Variants in TMLHE observed in about 807,000 individuals in gnomAD.
TMLHE encodes the protein trimethyllysine dioxygenase, mitochondrial.
A neutral mutation model predicts 25.7 loss-of-function variants in TMLHE; 18 were observed. The observed-to-expected ratio is 0.70, with a 90% CI of 0.48 to 1.04. TMLHE has a LOEUF of 1.04. TMLHE is among the 50% of genes least tolerant of loss of function. TMLHE has a pLI of 0.00. For missense variants in TMLHE, 236 were observed against 259.0 expected, an observed-to-expected ratio of 0.91 and a Z score of 0.61; for synonymous variants, 105 against 97.0, an observed-to-expected ratio of 1.08 and a Z score of -0.49.
At chrX:155,577,006 A>C (rs1000047456) in intron 1 of TMLHE, among the ~76,000 whole-genome samples, 2 of 112,129 alleles carry the variant, frequency 1.8e-5, no homozygotes, top group Admixed American at 1.9e-4. Context: ...AAAATTGACA[A>C]ATGAGACCTA....
chrX:155,552,360 G>C (rs1036556004), intron 1 of TMLHE, among the ~76,000 whole-genome samples: 2 of 110,108 alleles, frequency 1.8e-5, no homozygotes, highest in Admixed American at 9.6e-5. Context: ...AGGCATCTGA[G>C]TCTTGGCTTT....
intron 2 of TMLHE, among the ~76,000 whole-genome samples, chrX:155,529,296 C>T (rs1389559874): frequency 1.8e-5 from 2 of 111,594 alleles, no homozygotes; most frequent in Non-Finnish European, 3.8e-5. Flanking sequence ...CAAATTTTCT[C>T]CCCCAAAAGT....
chrX:155,528,314 ATTTAT>A (rs1438891458), intron 2 of TMLHE, among the ~76,000 whole-genome samples: 3 of 73,605 alleles, frequency 4.1e-5, no homozygotes, highest in Non-Finnish European at 5.8e-5. Flanking sequence ...TACTTTATTT[ATTTAT>A]TTTATCTTTT....
Position 155,557,527 on chromosome X carries a change from G to A in TMLHE, c.-1-12250C>T, listed in dbSNP as rs1349776286. On this transcript the variant is annotated intron_variant, in intron 1 of 7. Transcript: ENST00000334398. ...CTTTTCAAAAATTCCTCATCATCAC[G>A]TCTTCAAATATTGTTTCTGTACCAT... Among the ~76,000 whole-genome samples, 4 of 111,775 alleles carry A rather than the reference G, an allele frequency of 3.6e-5. 1 individual carries two copies. Among genetic ancestry groups the A allele is most frequent in the African/African-American group, 6.5e-5 (2 of 30,804 alleles).
chrX:155,603,080 G>C (rs2067765151), intron 1 of TMLHE, among the ~76,000 whole-genome samples: 1 of 111,998 alleles, frequency 8.9e-6, no homozygotes, highest in African/African-American at 3.3e-5. Context: ...TATAATCCCA[G>C]TACTTTGGGA....
At position 155,597,266 on chromosome X, in the gene TMLHE, CAG is replaced by C. The variant is rs1261228285; in HGVS notation, c.-2+15524_-2+15525del. On this transcript the variant is annotated intron_variant, in intron 1 of 7. Coordinates refer to ENST00000334398, the MANE Select transcript of TMLHE (RefSeq NM_018196.4). ...AAAAATGCTCATCATCACTGGCCAT[CAG>C]AGAAATGCAAATCAAAACCACAATG... Among the ~76,000 whole-genome samples the C allele has an allele frequency of 7.2e-5, 8 of 110,576 alleles. No homozygotes were observed. The South Asian group carries it at 1.6e-3, about 21-fold the overall frequency.
In TMLHE at chrX:155,514,282, T is replaced by C. The variant is rs2067137940; in HGVS notation, c.359-17A>G. On this transcript the variant is annotated splice_polypyrimidine_tract_variant and intron_variant, in intron 3 of 7. Transcript: ENST00000334398. ...CATCTGGCCCTTTTAAGGGGAAAAA[T>C]AAAAGGCACTATAATAATTACAAAT... 8.5e-7 allele frequency: 1 copy of C among 1,177,007 alleles called. No individual in the cohort carries two copies.
Position 155,545,142 on chromosome X carries a change from G to A in TMLHE, c.135C>T (p.Ala45=). The change falls in exon 2 of 8, where the codon GCC becomes GCT. Residue 45 remains alanine, a synonymous_variant. Transcript: ENST00000334398. The part of the protein sequence containing the change: ...LPLAVHWHHT[A]SKSLTCAWQQ... ...GCCAAGCACAAGTCAGAGACTTGGA[G>A]GCTGTATGGTGCCAATGGACAGCTA... The A allele has an allele frequency of 3.3e-6, 4 of 1,210,044 alleles. No homozygotes were observed. The highest frequency in any genetic ancestry group is 4.5e-6 in the Non-Finnish European group (4 of 894,511).
At chrX:155,553,764 G>T (rs2067430101) in intron 1 of TMLHE, among the ~76,000 whole-genome samples, 2 of 108,957 alleles carry the variant, frequency 1.8e-5, no homozygotes, top group South Asian at 4.0e-4. Context: ...TACTAATATG[G>T]TAATTTGTAT....
intron 1 of TMLHE, among the ~76,000 whole-genome samples, chrX:155,552,115 A>G (rs781788377): frequency 9.1e-6 from 1 of 110,026 alleles, no homozygotes; most frequent in Non-Finnish European, 1.9e-5. Flanking sequence ...TATCCTTTTA[A>G]TACATCACTG....
intron 1 of TMLHE, among the ~76,000 whole-genome samples, chrX:155,584,882 C>T (rs1387415895): frequency 1.8e-5 from 2 of 110,953 alleles, no homozygotes; most frequent in Admixed American, 9.6e-5. Context: ...AAGAAATGCT[C>T]GAGTCTTAAA....
At chrX:155,510,327 C>G (rs1423312823) in intron 5 of TMLHE, among the ~76,000 whole-genome samples, 2 of 105,246 alleles carry the variant, frequency 1.9e-5, no homozygotes, top group East Asian at 6.2e-4. Flanking sequence ...TATACATGTG[C>G]CATGCTGGTG....
chrX:155,596,227 C>T, intron 1 of TMLHE, among the ~76,000 whole-genome samples: 1 of 112,069 alleles, frequency 8.9e-6, no homozygotes. Flanking sequence ...TTTGATTGTA[C>T]AACAAAGCCT....
At chrX:155,548,608 A>AGGAG (rs2067383281) in intron 1 of TMLHE, among the ~76,000 whole-genome samples, 1 of 108,288 alleles carries the variant, frequency 9.2e-6, no homozygotes, top group African/African-American at 3.4e-5. Flanking sequence ...GGTGGCACAC[A>AGGAG]CCTGTATTCC....
intron 1 of TMLHE, among the ~76,000 whole-genome samples, chrX:155,569,035 C>T (rs1329211747): frequency 3.4e-5 from 2 of 58,879 alleles, no homozygotes; most frequent in African/African-American, 7.9e-5. Context: ...TCAAACTACT[C>T]TGAGCTACAG....
chrX:155,594,532 A>T (rs1305101201), intron 1 of TMLHE, among the ~76,000 whole-genome samples: 1 of 112,392 alleles, frequency 8.9e-6, no homozygotes, highest in Admixed American at 9.4e-5. Flanking sequence ...AACATAAAAC[A>T]TATGAAAATG....
chrX:155,523,160 A>G (rs1487006337), intron 3 of TMLHE, among the ~76,000 whole-genome samples: 1 of 111,994 alleles, frequency 8.9e-6, no homozygotes, highest in African/African-American at 3.2e-5. Context: ...CTATTCAGGA[A>G]AATGTCTGAG....
In TMLHE at chrX:155,510,232, TTTTTA is replaced by T. The variant is rs370981833; in HGVS notation, c.758+1436_758+1440del. Among the ~76,000 whole-genome samples, 287 of 99,217 alleles carry T rather than the reference TTTTTA, an allele frequency of 2.9e-3. 1 individual carries two copies. The highest frequency in any genetic ancestry group is 0.01 in the Middle Eastern group (2 of 197). The allele number at this position is 99,217 out of a possible 115,157, so 86.2% of individuals were successfully genotyped here. A position where few individuals can be genotyped will look rare whatever the true frequency, so the allele number is the denominator to read the frequency against. ...CATTTATATAGTAAGATGAGTTTTCTTTTTATTTTATTTTATTTTATTTTATTTTA... is the reference window on the plus strand; with the variant it reads ...CATTTATATAGTAAGATGAGTTTTCTTTTTATTTTATTTTATTTTATTTTA... On this transcript the variant is annotated intron_variant, in intron 5 of 7. Coordinates refer to ENST00000334398, the MANE Select transcript of TMLHE (RefSeq NM_018196.4).
At chrX:155,581,112 A>G (rs373671213) in intron 1 of TMLHE, among the ~76,000 whole-genome samples, 3 of 111,973 alleles carry the variant, frequency 2.7e-5, no homozygotes, top group East Asian at 5.6e-4. Flanking sequence ...GGCCTTCAAC[A>G]AAATTCAACA....
Sources: allele counts gnomAD v4.1 joint callset (sites outside exome capture counted in the v4.1 genomes callset), GRCh38; gene constraint gnomAD v4.1.1; transcripts MANE v1.5; gene names NCBI Gene and HGNC (gene_info 2026-07-23, HGNC 2026-07-21).